CCDC178: variants seen among roughly 807,000 people sequenced by gnomAD.
CCDC178 encodes coiled-coil domain-containing protein 178.
In CCDC178, 126 loss-of-function variants were observed where a neutral mutation model predicts 117.4. The ratio of observed to expected loss-of-function variants is 1.07; its 90% CI spans 0.93 to 1.24. The LOEUF (loss-of-function observed/expected upper bound fraction) is 1.24. Ranked by LOEUF, CCDC178 falls within the 50% of genes most tolerant of loss-of-function variation. CCDC178 has a pLI of 0.00. For synonymous variants in CCDC178, 283 were observed against 313.4 expected (o/e 0.90, Z 1.02); for missense variants, 1,030 against 986.9 (o/e 1.04, Z -0.59).
chr18:33,079,027 T>C (rs1229375034), intron 21 of CCDC178, among the ~76,000 whole-genome samples: 2 of 152,238 alleles, frequency 1.3e-5, no homozygotes, highest in Non-Finnish European at 1.5e-5. Flanking sequence ...CTTCAAACTA[T>C]ATTATAGGGC....
intron 21 of CCDC178, among the ~76,000 whole-genome samples, chr18:33,080,742 TTAAA>T (rs1207841486): frequency 2.6e-5 from 4 of 152,156 alleles, no homozygotes; most frequent in African/African-American, 7.2e-5. Context: ...TTTTTATGAA[TTAAA>T]TAATAATAGA....
At chr18:33,236,425 T>A (rs765686199) in intron 15 of CCDC178, among the ~76,000 whole-genome samples, 2 of 152,168 alleles carry the variant, frequency 1.3e-5, no homozygotes, top group Non-Finnish European at 2.9e-5. Flanking sequence ...GTGTATATTA[T>A]AGAAGTTTTT....
At chr18:33,057,331 C>G (rs762900025) in intron 21 of CCDC178, among the ~76,000 whole-genome samples, 3 of 152,104 alleles carry the variant, frequency 2.0e-5, no homozygotes, top group Non-Finnish European at 4.4e-5. Flanking sequence ...GTTATAAATA[C>G]TAAGTGAAAC....
chr18:32,975,233 A>G (rs1195140897), intron 21 of CCDC178, among the ~76,000 whole-genome samples: 1 of 152,190 alleles, frequency 6.6e-6, no homozygotes, highest in Non-Finnish European at 1.5e-5. Flanking sequence ...AGGGAGAACA[A>G]TAACAAGGAA....
intron 20 of CCDC178, among the ~76,000 whole-genome samples, chr18:33,186,058 T>A (rs536359744): frequency 6.6e-6 from 1 of 152,202 alleles, no homozygotes; most frequent in South Asian, 2.1e-4. Flanking sequence ...CTAAGAATAA[T>A]TTATTATCTA....
At chr18:33,334,181 A>G (rs2062709991) in intron 9 of CCDC178, among the ~76,000 whole-genome samples, 1 of 152,180 alleles carries the variant, frequency 6.6e-6, no homozygotes, top group African/African-American at 2.4e-5. Flanking sequence ...AAAAATGCTT[A>G]CCTATATATA....
At chr18:33,021,876 A>C (rs2056126995) in intron 21 of CCDC178, among the ~76,000 whole-genome samples, 1 of 152,120 alleles carries the variant, frequency 6.6e-6, no homozygotes, top group African/African-American at 2.4e-5. Flanking sequence ...CTGCTCAACT[A>C]GACTTTTCTC....
chr18:32,941,056 T>C (rs777116726), intron 22 of CCDC178, among the ~76,000 whole-genome samples: 7 of 151,856 alleles, frequency 4.6e-5, no homozygotes, highest in Non-Finnish European at 7.4e-5. Flanking sequence ...GCAGACCTAA[T>C]AGAACTCCTG....
rs189734814 is a variant in CCDC178, at chr18:33,225,460, G to A, written c.1657-524C>T. Among the ~76,000 whole-genome samples, 358 of 152,068 alleles carry A rather than the reference G, an allele frequency of 2.4e-3. 2 individuals are homozygous for A. The highest frequency in any genetic ancestry group is 3.3e-3 in the Non-Finnish European group (225 of 67,962). ...CAGGCGTGAGCCACCACACACTGCC[G>A]AATGTAGTATATTTAAAGATAATAC... On this transcript the variant is annotated intron_variant, in intron 16 of 22. Transcript: ENST00000383096.
chr18:32,993,008 A>G (rs1297270169), intron 21 of CCDC178, among the ~76,000 whole-genome samples: 1 of 152,086 alleles, frequency 6.6e-6, no homozygotes, highest in African/African-American at 2.4e-5. Context: ...TCTGCTAAAA[A>G]TACAAAAATT....
intron 21 of CCDC178, among the ~76,000 whole-genome samples, chr18:33,019,502 G>C (rs545815339): frequency 6.6e-6 from 1 of 152,218 alleles, no homozygotes; most frequent in African/African-American, 2.4e-5. Flanking sequence ...CTGTACACTT[G>C]GTTCCTAGAT....
At chr18:33,225,848 GAGGTGT>G (rs1211377071) in intron 16 of CCDC178, among the ~76,000 whole-genome samples, 5 of 152,174 alleles carry the variant, frequency 3.3e-5, no homozygotes, top group Admixed American at 2.0e-4. Context: ...AAGAGAAGCA[GAGGTGT>G]AGATCATCTC....
intron 12 of CCDC178, among the ~76,000 whole-genome samples, chr18:33,282,565 G>A (rs1053460985): frequency 6.6e-6 from 1 of 152,110 alleles, no homozygotes; most frequent in Non-Finnish European, 1.5e-5. Flanking sequence ...TTCTGCATTG[G>A]TAAACCATAC....
At chr18:33,373,451 A>T (rs1253599262) in intron 5 of CCDC178, among the ~76,000 whole-genome samples, 2 of 152,046 alleles carry the variant, frequency 1.3e-5, no homozygotes, top group African/African-American at 2.4e-5. Flanking sequence ...TTCTATATCA[A>T]ATTTTGCTTT....
intron 14 of CCDC178, among the ~76,000 whole-genome samples, chr18:33,259,137 A>G (rs1409244843): frequency 6.6e-6 from 1 of 152,214 alleles, no homozygotes; most frequent in Non-Finnish European, 1.5e-5. Flanking sequence ...ATATGTAAAA[A>G]CATCACAAGG....
At chr18:33,272,817 G>A (rs2059905465) in intron 12 of CCDC178, among the ~76,000 whole-genome samples, 1 of 151,368 alleles carries the variant, frequency 6.6e-6, no homozygotes, top group Non-Finnish European at 1.5e-5. Context: ...TTCAATGAAT[G>A]TAGAAAAATC....
At chr18:32,939,933 TA>T (rs1437701178) in intron 22 of CCDC178, among the ~76,000 whole-genome samples, 1 of 152,188 alleles carries the variant, frequency 6.6e-6, no homozygotes, top group African/African-American at 2.4e-5. Flanking sequence ...AAAATTTAAC[TA>T]GATGAAGCCT....
intron 20 of CCDC178, among the ~76,000 whole-genome samples, chr18:33,206,674 A>T (rs985551317): frequency 1.3e-5 from 2 of 152,154 alleles, no homozygotes; most frequent in East Asian, 3.8e-4. Flanking sequence ...AAACGGAAAA[A>T]AAAGAATATA....
At chr18:33,135,677 T>G (rs1282268253) in intron 20 of CCDC178, among the ~76,000 whole-genome samples, 1 of 152,188 alleles carries the variant, frequency 6.6e-6, no homozygotes. Context: ...CATGAGCGGT[T>G]TCACCAATGC....
Sources: allele counts gnomAD v4.1 joint callset (sites outside exome capture counted in the v4.1 genomes callset), GRCh38; gene constraint gnomAD v4.1.1; transcripts MANE v1.5; gene names NCBI Gene and HGNC (gene_info 2026-07-23, HGNC 2026-07-21).